PTPRT: variants seen among roughly 807,000 people sequenced by gnomAD.
PTPRT encodes the protein receptor-type tyrosine-protein phosphatase T.
PTPRT carries 56 observed loss-of-function variants against 176.8 expected under a neutral mutation model. The ratio of observed to expected loss-of-function variants is 0.32; its 90% CI spans 0.26 to 0.40. The LOEUF is 0.40. Among genes scored for constraint, PTPRT ranks in the 10% least tolerant of loss-of-function variants. PTPRT has a pLI of 1.00. For synonymous variants in PTPRT, 783 were observed against 739.0 expected (o/e 1.06, Z -0.96); for missense variants, 1,540 against 1,908.2 (o/e 0.81, Z 3.60).
At chr20:42,044,680 A>G in the PTPRT span, among the ~76,000 whole-genome samples, 1 of 152,228 alleles carries the variant, frequency 6.6e-6, no homozygotes, top group Non-Finnish European at 1.5e-5. Context: ...CTTTATCTGT[A>G]AGAACTCACT....
At chr20:42,285,083 A>G (rs959986951) in intron 12 of PTPRT, among the ~76,000 whole-genome samples, 1 of 152,074 alleles carries the variant, frequency 6.6e-6, no homozygotes, top group African/African-American at 2.4e-5. Flanking sequence ...AAAGTGAGCA[A>G]ACTCATTTCT....
At chr20:42,857,026 G>T (rs73907288) in intron 2 of PTPRT, among the ~76,000 whole-genome samples, 3,057 of 152,268 alleles carry the variant, frequency 0.02, 70 homozygotes, top group African/African-American at 0.057. Context: ...AAACAGAATT[G>T]TTGGGTCACA....
chr20:42,272,814 C>A (rs1316880925), intron 13 of PTPRT, among the ~76,000 whole-genome samples: 2 of 152,166 alleles, frequency 1.3e-5, no homozygotes, highest in Non-Finnish European at 2.9e-5. Context: ...GTCACACTGG[C>A]CTACTAGCCA....
At chr20:42,629,573 G>T (rs1056965836) in intron 7 of PTPRT, among the ~76,000 whole-genome samples, 3 of 152,160 alleles carry the variant, frequency 2.0e-5, no homozygotes, top group Non-Finnish European at 4.4e-5. Context: ...CTGGTTGGGG[G>T]AAGATATATT....
chr20:42,175,599 T>C (rs1362823292), intron 16 of PTPRT, among the ~76,000 whole-genome samples: 1 of 152,078 alleles, frequency 6.6e-6, no homozygotes, highest in Non-Finnish European at 1.5e-5. Context: ...GGGGGCTGGG[T>C]TGCAAAGTGT....
intron 6 of PTPRT, among the ~76,000 whole-genome samples, chr20:42,684,506 G>A (rs981146851): frequency 2.6e-5 from 4 of 152,164 alleles, no homozygotes; most frequent in Admixed American, 1.3e-4. Flanking sequence ...CAAGAAGTAC[G>A]ATGTTGTAGA....
chr20:42,221,585 G>A (rs6030059), intron 15 of PTPRT, among the ~76,000 whole-genome samples: 5,429 of 150,996 alleles, frequency 0.036, 317 homozygotes, highest in African/African-American at 0.12. Context: ...GTAGTGCAGC[G>A]GCATGATCTC....
At chr20:42,871,257 T>C (rs1044049554) in intron 2 of PTPRT, among the ~76,000 whole-genome samples, 1 of 152,000 alleles carries the variant, frequency 6.6e-6, no homozygotes, top group Non-Finnish European at 1.5e-5. Flanking sequence ...TGGCCGTATT[T>C]TCATGTTTCT....
intron 1 of PTPRT, among the ~76,000 whole-genome samples, chr20:43,126,724 C>T (rs190603095): frequency 1.1e-3 from 160 of 152,300 alleles, no homozygotes; most frequent in African/African-American, 3.6e-3. Context: ...TGACACCACC[C>T]CCTCCAGCCC....
chr20:42,381,580 T>C (rs1203873232), intron 9 of PTPRT, among the ~76,000 whole-genome samples: 1 of 152,154 alleles, frequency 6.6e-6, no homozygotes. Context: ...GAATTTGTTA[T>C]TGAGGTGTAA....
At chr20:43,177,898 A>T (rs3091415) in intron 1 of PTPRT, among the ~76,000 whole-genome samples, 5 of 152,194 alleles carry the variant, frequency 3.3e-5, no homozygotes. Context: ...CACTTTTCCA[A>T]CAAAAATGGT....
rs371106730 is a variant in PTPRT at position 43,118,119 on chromosome 20, G to A, written c.88+71527C>T. 5.9e-5 allele frequency among the ~76,000 whole-genome samples: 9 copies of A among 152,254 alleles called. 1 individual carries two copies. The highest frequency in any genetic ancestry group is 3.9e-4 in the East Asian group (2 of 5,174). On this transcript the variant is annotated intron_variant, in intron 1 of 30. Coordinates refer to ENST00000373187, the MANE Select transcript of PTPRT (RefSeq NM_007050.6). The stretch of plus-strand genomic sequence containing the variant: ...ATATAATAAACATTTTCAGCTTGTC[G>A]CTGCAGTGTGAAAGCAGCTACCAGC...
chr20:42,956,771 G>A (rs1981668992), intron 1 of PTPRT, among the ~76,000 whole-genome samples: 1 of 152,146 alleles, frequency 6.6e-6, no homozygotes, highest in African/African-American at 2.4e-5. Flanking sequence ...AAGAGTACAG[G>A]TGACAGCAAC....
chr20:42,181,128 T>G (rs1418673769), intron 16 of PTPRT, among the ~76,000 whole-genome samples: 1 of 152,194 alleles, frequency 6.6e-6, no homozygotes, highest in Non-Finnish European at 1.5e-5. Flanking sequence ...TTAAATACAA[T>G]ATGATACATC....
intron 1 of PTPRT, among the ~76,000 whole-genome samples, chr20:43,023,228 C>G (rs1432351999): frequency 1.3e-5 from 2 of 152,176 alleles, no homozygotes; most frequent in Non-Finnish European, 2.9e-5. Flanking sequence ...GAGCCCACTC[C>G]CCAAACAAGG....
chr20:42,681,872 G>A (rs896685375), intron 6 of PTPRT, among the ~76,000 whole-genome samples: 1 of 152,176 alleles, frequency 6.6e-6, no homozygotes, highest in Non-Finnish European at 1.5e-5. Context: ...ACAAGCTGCA[G>A]ACACAGACAC....
At chr20:42,334,429 T>C (rs756663979) in intron 11 of PTPRT, among the ~76,000 whole-genome samples, 4 of 152,130 alleles carry the variant, frequency 2.6e-5, no homozygotes, top group African/African-American at 7.2e-5. Flanking sequence ...AAAAAAGAAA[T>C]GTTAATAGCA....
At chr20:42,601,500 C>T (rs2145791184) in intron 7 of PTPRT, among the ~76,000 whole-genome samples, 1 of 152,264 alleles carries the variant, frequency 6.6e-6, no homozygotes, top group South Asian at 2.1e-4. Flanking sequence ...AAACATGAGG[C>T]TCAGTAAATT....
chr20:42,220,579 A>AG (rs1452031046), intron 15 of PTPRT, among the ~76,000 whole-genome samples: 1 of 17,202 alleles, frequency 5.8e-5, no homozygotes, highest in African/African-American at 1.6e-4. Context: ...ACACATTAAT[A>AG]AAAAGAATGG....
Sources: allele counts gnomAD v4.1 joint callset (sites outside exome capture counted in the v4.1 genomes callset), GRCh38; gene constraint gnomAD v4.1.1; transcripts MANE v1.5; gene names NCBI Gene and HGNC (gene_info 2026-07-23, HGNC 2026-07-21).